The following TP53BP2 variants were observed in gnomAD, a reference collection of about 807,000 sequenced individuals.
The protein encoded by TP53BP2 is apoptosis-stimulating of p53 protein 2.
TP53BP2 carries 62 observed loss-of-function variants against 126.2 expected under a neutral mutation model. The ratio of observed to expected loss-of-function variants is 0.49; its 90% CI spans 0.40 to 0.61. TP53BP2 has a LOEUF of 0.61. TP53BP2 is among the 20% of genes least tolerant of loss of function. TP53BP2 has a pLI of 0.00. For missense variants in TP53BP2, 1,215 were observed against 1,402.8 expected, an observed-to-expected ratio of 0.87 and a Z score of 2.14; for synonymous variants, 485 against 502.9, an observed-to-expected ratio of 0.96 and a Z score of 0.48.
chr1:223,789,358 C>A (rs1451806421), intron 15 of TP53BP2, among the ~76,000 whole-genome samples, 184 bp from the exon 16 acceptor site: 1 of 152,150 alleles, frequency 6.6e-6, no homozygotes, highest in Non-Finnish European at 1.5e-5. Context: ...ATTACAGCCA[C>A]AAATGAAAAT....
chr1:223,785,550 C>T (rs1661923724), intron 16 of TP53BP2, among the ~76,000 whole-genome samples: 2 of 152,162 alleles, frequency 1.3e-5, no homozygotes, highest in Admixed American at 6.5e-5. Flanking sequence ...CTCAAAATAA[C>T]AGCTCAAGTC....
At chr1:223,843,181 CT>C (rs58598832) in intron 1 of TP53BP2, among the ~76,000 whole-genome samples, 45,291 of 146,310 alleles carry the variant, frequency 0.31, 9,918 homozygotes, top group African/African-American at 0.63. Context: ...TTTATTTGCA[CT>C]TTTTTTTTTT....
At chr1:223,781,493 G>C (rs781218642) in intron 17 of TP53BP2, among the ~76,000 whole-genome samples, 2 of 152,098 alleles carry the variant, frequency 1.3e-5, no homozygotes, top group African/African-American at 2.4e-5. Context: ...AGGCCTCTAG[G>C]CCTGAGCCAG....
At chr1:223,821,603 C>A (rs945881590) in intron 1 of TP53BP2, among the ~76,000 whole-genome samples, 5 of 152,214 alleles carry the variant, frequency 3.3e-5, no homozygotes, top group African/African-American at 1.2e-4. Context: ...AATACAGTCA[C>A]ATCAGTTCAA....
At chr1:223,811,717 A>T (rs939152591) in intron 3 of TP53BP2, among the ~76,000 whole-genome samples, 1 of 152,238 alleles carries the variant, frequency 6.6e-6, no homozygotes, top group African/African-American at 2.4e-5. Flanking sequence ...ATATGGTGAC[A>T]GTCTCCTAAT....
Position 223,797,732 on chromosome 1 carries a change from T to C in TP53BP2, c.1948+483A>G, listed in dbSNP as rs557183164. 1.5e-4 allele frequency among the ~76,000 whole-genome samples: 23 copies of C among 151,986 alleles called. No individual in the cohort carries two copies. In the East Asian group the frequency reaches 3.9e-3, roughly 26 times the overall value. ...AGCCACAGTTATATATAAAGACATA[T>C]AGACACAGACACACACATACAGAGA... On this transcript the variant is annotated intron_variant, in intron 12 of 17. Coordinates refer to ENST00000343537, the MANE Select transcript of TP53BP2 (RefSeq NM_001031685.3).
chr1:223,819,767 C>T (rs538234596), intron 2 of TP53BP2, among the ~76,000 whole-genome samples: 14 of 152,082 alleles, frequency 9.2e-5, no homozygotes, highest in Admixed American at 3.3e-4. Flanking sequence ...AGGTAATTTG[C>T]TAAATGCAAG....
chr1:223,800,197 A>AGGCCGGGCGCGGT, intron 10 of TP53BP2, 150 bp from the exon 11 acceptor site: 2 of 780,116 alleles, frequency 2.6e-6, no homozygotes, highest in African/African-American at 3.5e-5. Context: ...AGGATAACCC[A>AGGCCGGGCGCGGT]AGCACTATAA....
chr1:223,841,191 C>T (rs1664091867), intron 1 of TP53BP2, among the ~76,000 whole-genome samples: 1 of 151,980 alleles, frequency 6.6e-6, no homozygotes, highest in African/African-American at 2.4e-5. Context: ...TGCAGTGAGC[C>T]GAGATCGCGC....
At chr1:223,800,675 C>A in intron 10 of TP53BP2, 25 bp downstream of exon 10, 1 of 1,545,840 alleles carries the variant, frequency 6.5e-7, no homozygotes, top group South Asian at 1.2e-5. Flanking sequence ...ATTTAATGTT[C>A]AAGAGTAGCA....
intron 3 of TP53BP2, among the ~76,000 whole-genome samples, chr1:223,811,774 TA>T (rs1662914624): frequency 6.6e-6 from 1 of 152,204 alleles, no homozygotes; most frequent in African/African-American, 2.4e-5. Context: ...AACACCTTAA[TA>T]AAGGAGACTG....
chr1:223,845,868 C>T lies in TP53BP2; in HGVS notation c.-188G>A. 5.7e-6 allele frequency: 2 copies of T among 349,994 alleles called. No homozygotes were observed. The highest frequency in any genetic ancestry group is 2.2e-5 in the African/African-American group (1 of 46,028). The allele number at this position is 349,994 out of a possible 1,614,324, so 21.7% of individuals were successfully genotyped here. ...GGCACCAACAAGCCCCGGGCTCCCC[C>T]GCCCCGGCCGGGCCCCCTGACGCGG... is the stretch of plus-strand genomic sequence containing the variant. On this transcript the variant is annotated 5_prime_UTR_variant, in exon 1 of 18. Transcript: ENST00000343537.
At chr1:223,821,177 G>A (rs1195650201) in intron 2 of TP53BP2, 43 bp downstream of exon 2, 2 of 1,612,958 alleles carry the variant, frequency 1.2e-6, no homozygotes, top group East Asian at 4.5e-5. Flanking sequence ...AACATTAATA[G>A]AAGACAGAAG....
chr1:223,828,606 A>G (rs889403762), intron 1 of TP53BP2, among the ~76,000 whole-genome samples: 1 of 152,226 alleles, frequency 6.6e-6, no homozygotes, highest in Non-Finnish European at 1.5e-5. Context: ...ATTAAGAAGC[A>G]CATCTTAAAA....
At position 223,804,312 on chromosome 1, in the gene TP53BP2, G is replaced by A. The variant is rs1558096583; in HGVS notation, c.511C>T (p.Arg171Ter). The A allele has an allele frequency of 5.6e-6, 9 of 1,613,662 alleles. No individual in the cohort carries two copies. Among genetic ancestry groups the A allele is most frequent in the East Asian group, 2.2e-5 (1 of 44,862 alleles). Residue 171 changes from arginine (R) to a stop codon, truncating the protein, a stop_gained, in exon 6 of 18, where the codon CGA becomes TGA. Coordinates refer to ENST00000343537, the MANE Select transcript of TP53BP2 (RefSeq NM_001031685.3). LOFTEE classifies it high-confidence loss of function. ...RLKFLKQQDQ[R>*]QQQQVAEQEK... The stretch of plus-strand genomic sequence containing the variant: ...TGCTCAGCAACTTGTTGCTGTTGTC[G>A]CTGATCTTGTTGTTTCAAAAACTTT...
chr1:223,831,479 AAATATATATATATATAT>A (rs1443461930), intron 1 of TP53BP2, among the ~76,000 whole-genome samples: 722 of 46,162 alleles, frequency 0.016, 29 homozygotes, highest in African/African-American at 0.061. Context: ...AAAAAAAAAA[AAATATATATATATATAT>A]ATATATATAT....
At chr1:223,797,995 G>A (rs909701670) in intron 12 of TP53BP2, among the ~76,000 whole-genome samples, 1 of 151,994 alleles carries the variant, frequency 6.6e-6, no homozygotes, top group Non-Finnish European at 1.5e-5. Context: ...CTCCAGACTT[G>A]AGACCACACT....
At chr1:223,822,322 T>C (rs1002368802) in intron 1 of TP53BP2, among the ~76,000 whole-genome samples, 11 of 152,204 alleles carry the variant, frequency 7.2e-5, no homozygotes, top group African/African-American at 2.4e-4. Flanking sequence ...TGTTAACACC[T>C]ACCTGACCTT....
chr1:223,818,518 GA>G (rs1267561255), intron 2 of TP53BP2, among the ~76,000 whole-genome samples: 8 of 140,340 alleles, frequency 5.7e-5, no homozygotes, highest in African/African-American at 1.6e-4. Flanking sequence ...AAAAAAAAAA[GA>G]AAAGAAAAGA....
Sources: allele counts gnomAD v4.1 joint callset (sites outside exome capture counted in the v4.1 genomes callset), GRCh38; gene constraint gnomAD v4.1.1; transcripts MANE v1.5; gene names NCBI Gene and HGNC (gene_info 2026-07-23, HGNC 2026-07-21).